Variants in KIF26A observed in about 807,000 individuals in gnomAD.
The protein encoded by KIF26A is kinesin family member 26A, also known as kinesin-like protein KIF26A.
A neutral mutation model predicts 126.0 loss-of-function variants in KIF26A; 74 were observed. The ratio of observed to expected loss-of-function variants is 0.59; its 90% CI spans 0.49 to 0.71. KIF26A has a LOEUF of 0.71. Among genes scored for constraint, KIF26A ranks in the 30% least tolerant of loss-of-function variants. The probability of loss-of-function intolerance (pLI) is 0.00; values close to 1 mark genes in which losing one functional copy is unlikely to be tolerated. For synonymous variants in KIF26A, 1,445 were observed against 1,232.7 expected, an observed-to-expected ratio of 1.17 and a Z score of -3.61; for missense variants, 2,984 against 2,763.3, an observed-to-expected ratio of 1.08 and a Z score of -1.79.
At chr14:104,156,146 C>T (rs913747611) in intron 3 of KIF26A, among the ~76,000 whole-genome samples, 7 of 152,226 alleles carry the variant, frequency 4.6e-5, no homozygotes, top group Non-Finnish European at 8.8e-5. Context: ...CCAGACCCGG[C>T]TCTGCTCCAG....
In KIF26A at chr14:104,165,798, CAT is replaced by C. The variant is rs371449949; in HGVS notation, c.924-1058_924-1057del. ...GACTGTGTCTCTGTGTCTCTGTGTG[CAT>C]ATGTGTGTCTGTGTGTTTCTGTGTG... On this transcript the variant is annotated intron_variant, in intron 4 of 14. Transcript: ENST00000423312. 7.9e-5 allele frequency among the ~76,000 whole-genome samples: 11 copies of C among 140,054 alleles called. No homozygotes were observed. The South Asian group carries it at 1.2e-3, about 15-fold the overall frequency. 91.9% of individuals were successfully genotyped at this position (140,054 alleles called of 152,430 possible). A position where few individuals can be genotyped will look rare whatever the true frequency, so the allele number is the denominator to read the frequency against.
intron 12 of KIF26A, 60 bp from the exon 13 acceptor site, chr14:104,178,490 G>A: frequency 7.7e-7 from 1 of 1,305,702 alleles, no homozygotes; most frequent in Non-Finnish European, 1.0e-6. Flanking sequence ...CGTCCCCGCA[G>A]GGGCTGTGCT....
intron 12 of KIF26A, among the ~76,000 whole-genome samples, chr14:104,178,108 CT>C (rs2038056321): frequency 6.6e-6 from 1 of 152,232 alleles, no homozygotes; most frequent in African/African-American, 2.4e-5. Flanking sequence ...TATAAACCCC[CT>C]GTACTTGCCC....
chr14:104,166,947 A>T lies in KIF26A; in HGVS notation c.1012A>T (p.Thr338Ser). The T allele has an allele frequency of 1.3e-6, 2 of 1,591,958 alleles. No individual in the cohort carries two copies. Among genetic ancestry groups the T allele is most frequent in the Non-Finnish European group, 1.7e-6 (2 of 1,170,396 alleles). Residue 338 changes from threonine (T) to serine (S), a missense_variant, in exon 5 of 15, where the codon ACC becomes TCC. Thr to Ser is a moderately conservative substitution (Grantham distance 58). Transcript: ENST00000423312. ...PATRGTSTYP[T>S]DFSGVLQLWP... ...CACCCGCGGCACCTCCACCTACCCC[A>T]CCGACTTCAGCGGGGTCCTGCAGCT... is the stretch of plus-strand genomic sequence containing the variant.
intron 3 of KIF26A, among the ~76,000 whole-genome samples, chr14:104,154,807 C>T (rs555685570): frequency 5.3e-5 from 8 of 152,302 alleles, no homozygotes; most frequent in Non-Finnish European, 8.8e-5. Context: ...AGGGGCGGCC[C>T]GGTGGGCAGT....
intron 5 of KIF26A, among the ~76,000 whole-genome samples, chr14:104,170,792 G>A (rs1249760107): frequency 6.6e-6 from 1 of 152,264 alleles, no homozygotes; most frequent in Non-Finnish European, 1.5e-5. Context: ...TGCAGTGATT[G>A]CTCTGGGCTC....
rs200138034 is a variant in KIF26A at position 104,175,596 on chromosome 14, G to A, written c.2808G>A (p.Pro936=). The A allele has an allele frequency of 3.7e-4, 596 of 1,610,094 alleles. No homozygotes were observed. The highest frequency in any genetic ancestry group is 4.8e-4 in the Non-Finnish European group (563 of 1,179,692). ...GCGCTTGGCCTGAGCTGCTGGTCCC[G>A]GAAAAGGCTGCAGTGAGTGGAGGCA... is the stretch of plus-strand genomic sequence containing the variant. ...DSSAWPELLV[P]EKAAVSGGRR... The change falls in exon 12 of 15, where the codon CCG becomes CCA. Residue 936 remains proline, a synonymous_variant. Transcript: ENST00000423312.
chr14:104,152,554 G>A lies in KIF26A; in HGVS notation c.735+93G>A. On this transcript the variant is annotated intron_variant, in intron 3 of 14. Coordinates refer to ENST00000423312, the MANE Select transcript of KIF26A (RefSeq NM_015656.2). The surrounding 1 kb of genome is among the most constrained non-coding windows in gnomAD (Gnocchi z 5.9). ...CTCTGTCCACGTTGAGTGCCCTGCA[G>A]TAAGGCTTCCCTGAAGGGAGGGGAC... is the stretch of plus-strand genomic sequence containing the variant. 7.9e-7 allele frequency: 1 copy of A among 1,262,030 alleles called. No individual in the cohort carries two copies. Among genetic ancestry groups the A allele is most frequent in the South Asian group, 1.6e-5 (1 of 64,280 alleles). 78.2% of individuals were successfully genotyped at this position (1,262,030 alleles called of 1,614,324 possible).
intron 4 of KIF26A, among the ~76,000 whole-genome samples, chr14:104,165,404 G>A (rs927090718): frequency 3.7e-5 from 3 of 80,996 alleles, no homozygotes; most frequent in African/African-American, 1.9e-4. Context: ...ATGCATATGT[G>A]TTCTGTGTGT....
intron 2 of KIF26A, among the ~76,000 whole-genome samples, chr14:104,146,447 A>G (rs1010542730): frequency 6.6e-6 from 1 of 151,840 alleles, no homozygotes; most frequent in African/African-American, 2.4e-5. Flanking sequence ...GGAGGCCAGG[A>G]GGTCTGAACT....
At chr14:104,139,346 G>A (rs1596129178) in intron 2 of KIF26A, 58 bp downstream of exon 2, 3 of 1,378,442 alleles carry the variant, frequency 2.2e-6, no homozygotes, top group Admixed American at 3.5e-5. Context: ...AACTTGGGTA[G>A]AACTTGGGGC....
intron 11 of KIF26A, 99 bp from the exon 12 acceptor site, chr14:104,174,883 A>T: frequency 7.7e-7 from 1 of 1,293,306 alleles, no homozygotes; most frequent in Non-Finnish European, 1.0e-6. Context: ...AGTTTTCATC[A>T]CAGTGACCGC....
At chr14:104,142,461 C>T (rs2037646279) in intron 2 of KIF26A, among the ~76,000 whole-genome samples, 2 of 132,468 alleles carry the variant, frequency 1.5e-5, no homozygotes, top group Non-Finnish European at 3.5e-5. Flanking sequence ...CCTCCAGGGA[C>T]CTTTCTCTAA....
Position 104,176,667 on chromosome 14 carries a change from G to A in KIF26A, c.3879G>A (p.Ala1293=), listed in dbSNP as rs756607405. ...VVDGCEVAAR[A]ARRPEAVARI... Reference sequence around the variant, plus strand: ...ACGGGTGTGAGGTGGCAGCCAGGGCGGCCCGCAGGCCAGAGGCTGTGGCTC... The same window carrying A: ...ACGGGTGTGAGGTGGCAGCCAGGGCAGCCCGCAGGCCAGAGGCTGTGGCTC... Residue 1293 remains alanine, a synonymous_variant, in exon 12 of 15, where the codon GCG becomes GCA. Transcript: ENST00000423312. 3.1e-5 allele frequency: 49 copies of A among 1,598,350 alleles called. No individual in the cohort carries two copies. The highest frequency in any genetic ancestry group is 3.4e-5 in the Admixed American group (2 of 59,392).
chr14:104,179,186 C>T (rs186828087), intron 13 of KIF26A, 50 bp from the exon 14 acceptor site: 31 of 1,417,304 alleles, frequency 2.2e-5, no homozygotes, highest in South Asian at 3.0e-5. Flanking sequence ...GCTTGGGGGT[C>T]TCTGGGGAGA....
intron 12 of KIF26A, among the ~76,000 whole-genome samples, chr14:104,178,306 T>A (rs946118037): frequency 2.6e-5 from 4 of 152,112 alleles, no homozygotes; most frequent in African/African-American, 9.7e-5. Flanking sequence ...GGGACAGAAC[T>A]GCTCAGGTCA....
chr14:104,147,303 T>G (rs2037689142), intron 2 of KIF26A, among the ~76,000 whole-genome samples: 2 of 152,138 alleles, frequency 1.3e-5, no homozygotes. Flanking sequence ...AGGGTCTCAA[T>G]GAGCTTGTCT....
At chr14:104,164,339 CG>C (rs2037860781) in intron 4 of KIF26A, among the ~76,000 whole-genome samples, 1 of 152,124 alleles carries the variant, frequency 6.6e-6, no homozygotes, top group Admixed American at 6.5e-5. Flanking sequence ...CACCCTTCGC[CG>C]GGTGGCATCC....
chr14:104,173,895 G>A (rs778992558), intron 10 of KIF26A, 27 bp downstream of exon 10: 25 of 1,546,342 alleles, frequency 1.6e-5, no homozygotes, highest in Middle Eastern at 1.7e-4. Context: ...GGCAGGTGCC[G>A]ACCAGGGTGG....
Sources: gnomAD v4.1 joint callset for allele counts (sites outside exome capture counted in the v4.1 genomes callset) on GRCh38, gnomAD v4.1.1 for gene constraint, Gnocchi (gnomAD v3.1) non-coding constraint, MANE v1.5 for transcripts, NCBI Gene and HGNC (gene_info 2026-07-23, HGNC 2026-07-21) for gene names.